FNIP1: variants seen among roughly 807,000 people sequenced by gnomAD.
The protein encoded by FNIP1 is folliculin interacting protein 1.
A neutral mutation model predicts 124.5 loss-of-function variants in FNIP1; 40 were observed. That is an observed-to-expected ratio of 0.32 (90% confidence interval 0.25 to 0.42). The LOEUF (loss-of-function observed/expected upper bound fraction) is 0.42. Ranked by LOEUF, FNIP1 falls within the 10% of genes least tolerant of loss-of-function variation. The probability of loss-of-function intolerance (pLI) is 1.00; values close to 1 mark genes in which losing one functional copy is unlikely to be tolerated. For missense variants in FNIP1, 1,176 were observed against 1,403.7 expected (o/e 0.84, Z 2.59); for synonymous variants, 472 against 470.6 (o/e 1.00, Z -0.04).
At chr5:131,707,757 C>A (rs961821590) in intron 8 of FNIP1, among the ~76,000 whole-genome samples, 2 of 152,018 alleles carry the variant, frequency 1.3e-5, no homozygotes, top group East Asian at 3.9e-4. Flanking sequence ...TTAAAAATAA[C>A]CCTATTAGAA....
intron 4 of FNIP1, 53 bp downstream of exon 4, chr5:131,719,264 A>C: frequency 4.6e-6 from 7 of 1,534,390 alleles, no homozygotes; most frequent in Non-Finnish European, 6.2e-6. Context: ...CTCTAAAAAA[A>C]CGAAAATATC....
intron 15 of FNIP1, among the ~76,000 whole-genome samples, chr5:131,659,702 A>G (rs1767354896): frequency 6.6e-6 from 1 of 152,208 alleles, no homozygotes; most frequent in African/African-American, 2.4e-5. Flanking sequence ...CAGGGACAAC[A>G]TGGCCTGGAT....
At chr5:131,677,544 A>G in intron 13 of FNIP1, 159 bp downstream of exon 13, 1 of 637,800 alleles carries the variant, frequency 1.6e-6, no homozygotes, top group Non-Finnish European at 2.6e-6. Flanking sequence ...TAAGACGAGG[A>G]TAAGACAAAT....
At position 131,709,195 on chromosome 5, in the gene FNIP1, C is replaced by T; in HGVS notation, c.778+6G>A. 1.2e-6 allele frequency: 2 copies of T among 1,612,510 alleles called. No individual in the cohort carries two copies. Among genetic ancestry groups the T allele is most frequent in the African/African-American group, 1.3e-5 (1 of 75,030 alleles). On this transcript the variant is annotated splice_donor_region_variant and intron_variant, in intron 8 of 17. Coordinates refer to ENST00000510461, the MANE Select transcript of FNIP1 (RefSeq NM_133372.3). ...TAAAAAACTGAATACAAGAACGTGA[C>T]ATTACCAGACCGTGCTATGCCACTG...
chr5:131,702,764 A>T (rs563193466), intron 10 of FNIP1, among the ~76,000 whole-genome samples: 61 of 152,372 alleles, frequency 4.0e-4, no homozygotes, highest in African/African-American at 1.4e-3. Flanking sequence ...GTAGCAACTG[A>T]CAAAAGTGAT....
chr5:131,677,925 G>A, intron 12 of FNIP1, 53 bp from the exon 13 acceptor site: 2 of 1,532,098 alleles, frequency 1.3e-6, no homozygotes, highest in Non-Finnish European at 1.7e-6. Context: ...TGAAACCTTA[G>A]GTAAAATGTA....
chr5:131,669,956 G>A (rs1373092989), intron 15 of FNIP1, among the ~76,000 whole-genome samples: 1 of 148,288 alleles, frequency 6.7e-6, no homozygotes, highest in Non-Finnish European at 1.5e-5. Flanking sequence ...GGGGACAAAA[G>A]GCATCCAGAT....
intron 16 of FNIP1, among the ~76,000 whole-genome samples, chr5:131,651,401 C>T (rs1224268680): frequency 1.3e-5 from 2 of 152,112 alleles, no homozygotes; most frequent in Non-Finnish European, 2.9e-5. Context: ...CTCAAACAAA[C>T]AAAAAACCCC....
chr5:131,688,921 A>G lies in FNIP1; in HGVS notation c.1203-9746T>C, dbSNP rs192235892. The stretch of plus-strand genomic sequence containing the variant: ...TAAATACAAAATGGAGAAGTAAAAT[A>G]TATGAATAATAGCTTCGAATTAAAA... On this transcript the variant is annotated intron_variant, in intron 11 of 17. Transcript: ENST00000510461. Among the ~76,000 whole-genome samples, 14 of 152,066 alleles carry G rather than the reference A, an allele frequency of 9.2e-5. No homozygotes were observed. In the East Asian group the frequency reaches 2.7e-3, roughly 29 times the overall value.
chr5:131,690,984 G>C (rs1768461489), intron 11 of FNIP1, among the ~76,000 whole-genome samples: 1 of 152,106 alleles, frequency 6.6e-6, no homozygotes, highest in Non-Finnish European at 1.5e-5. Flanking sequence ...TAATAGAGCT[G>C]AACAGTACCA....
chr5:131,712,222 A>C (rs1347550141), intron 6 of FNIP1, among the ~76,000 whole-genome samples: 2 of 152,044 alleles, frequency 1.3e-5, no homozygotes, highest in Non-Finnish European at 2.9e-5. Context: ...GTCAGCTAGG[A>C]CCCCAATCCC....
intron 3 of FNIP1, among the ~76,000 whole-genome samples, chr5:131,726,152 T>G (rs1769859584): frequency 6.6e-6 from 1 of 152,122 alleles, no homozygotes; most frequent in South Asian, 2.1e-4. Context: ...GGCCTGAAAT[T>G]TTCTTTTTTT....
At chr5:131,676,432 A>ATCAT (rs1252160794) in intron 13 of FNIP1, among the ~76,000 whole-genome samples, 4 of 152,092 alleles carry the variant, frequency 2.6e-5, no homozygotes, top group African/African-American at 9.6e-5. Context: ...TACAGGCATG[A>ATCAT]GCCACTGCAC....
Position 131,709,246 on chromosome 5 carries a change from C to T in FNIP1, c.733G>A (p.Gly245Arg), listed in dbSNP as rs1445936283. 6.2e-7 allele frequency: 1 copy of T among 1,613,928 alleles called. No homozygotes were observed. Among genetic ancestry groups the T allele is most frequent in the Non-Finnish European group, 8.5e-7 (1 of 1,179,940 alleles). ...AVHSNPMDMPGRELNEDRDSG... is the reference protein window; with the variant it reads ...AVHSNPMDMPRRELNEDRDSG... ...TCTCTGTCCTCATTGAGCTCTCTTC[C>T]AGGCATGTCCATTGGGTTGCTGTGA... The change falls in exon 8 of 18, where the codon GGA becomes AGA. Residue 245 changes from glycine to arginine, a missense_variant. Transcript: ENST00000510461.
intron 2 of FNIP1, among the ~76,000 whole-genome samples, chr5:131,743,938 C>G (rs374240532): frequency 6.6e-6 from 1 of 152,110 alleles, no homozygotes; most frequent in African/African-American, 2.4e-5. Flanking sequence ...GTGAATGTTT[C>G]CAAGCAAAGA....
At position 131,674,656 on chromosome 5, in the gene FNIP1, T is replaced by G. The variant is rs1463963215; in HGVS notation, c.1520-1732A>C. On this transcript the variant is annotated intron_variant, in intron 13 of 17. Coordinates refer to ENST00000510461, the MANE Select transcript of FNIP1 (RefSeq NM_133372.3). ...TCACCTGAGCCCAGGAAGTTGAGGC[T>G]GCAGTGAGCTGTGATCGCACCACCA... is the stretch of plus-strand genomic sequence containing the variant. Among the ~76,000 whole-genome samples the G allele has an allele frequency of 4.6e-5, 7 of 152,118 alleles. No homozygotes were observed. In the East Asian group the frequency reaches 1.4e-3, roughly 29 times the overall value.
intron 13 of FNIP1, among the ~76,000 whole-genome samples, chr5:131,675,805 T>C (rs1767892603): frequency 6.6e-6 from 1 of 152,170 alleles, no homozygotes. Context: ...TGATGCAATA[T>C]GATTACCATT....
At chr5:131,693,346 A>ATATATATG (rs1561658458) in intron 11 of FNIP1, among the ~76,000 whole-genome samples, 10 of 131,826 alleles carry the variant, frequency 7.6e-5, no homozygotes, top group Non-Finnish European at 1.1e-4. Flanking sequence ...ATATATATAT[A>ATATATATG]TATATATATA....
In FNIP1 at chr5:131,672,245, AG is replaced by A; in HGVS notation, c.2198del (p.Pro733LeufsTer22). ...RSTGMVVEKKPPDKIVPASFS... is the reference protein window; with the variant it reads ...RSTGMVVEKKXPDKIVPASFS... Reference sequence around the variant, plus strand: ...ATGAAGCAGGCACAATCTTATCTGGAGGTTTTTTTTCCACAACCATTCCTGT... The same window carrying A: ...ATGAAGCAGGCACAATCTTATCTGGAGTTTTTTTTCCACAACCATTCCTGT... On this transcript the variant is annotated frameshift_variant, in exon 14 of 18. Transcript: ENST00000510461. LOFTEE classifies it high-confidence loss of function. 6.2e-7 allele frequency: 1 copy of A among 1,614,126 alleles called. No individual in the cohort carries two copies. Among genetic ancestry groups the A allele is most frequent in the South Asian group, 1.1e-5 (1 of 91,086 alleles).
Sources: allele counts gnomAD v4.1 joint callset (sites outside exome capture counted in the v4.1 genomes callset), GRCh38; gene constraint gnomAD v4.1.1; transcripts MANE v1.5; gene names NCBI Gene and HGNC (gene_info 2026-07-23, HGNC 2026-07-21).